ABI3BP: variants seen among roughly 807,000 people sequenced by gnomAD.
The protein encoded by ABI3BP is ABI family member 3 binding protein.
A neutral mutation model predicts 268.6 loss-of-function variants in ABI3BP; 216 were observed. That is an observed-to-expected ratio of 0.80 (90% CI 0.72 to 0.90). The LOEUF (loss-of-function observed/expected upper bound fraction) is 0.90. Among genes scored for constraint, ABI3BP ranks in the 40% least tolerant of loss-of-function variants. The pLI, the probability that ABI3BP is intolerant of heterozygous loss-of-function variation, is 0.00. For missense variants in ABI3BP, 2,090 were observed against 2,182.4 expected (o/e 0.96, Z 0.84); for synonymous variants, 730 against 730.0 (o/e 1.00, Z 0.00).
At chr3:100,987,874 C>A (rs1333686437) in intron 1 of ABI3BP, among the ~76,000 whole-genome samples, 2 of 152,116 alleles carry the variant, frequency 1.3e-5, no homozygotes, top group African/African-American at 2.4e-5. Context: ...TTATTAAGGA[C>A]TACTGATAAT....
At position 100,958,099 on chromosome 3, in the gene ABI3BP, C is replaced by T. The variant is rs540040165; in HGVS notation, c.80-31618G>A. 1.1e-3 allele frequency among the ~76,000 whole-genome samples: 169 copies of T among 152,238 alleles called. 2 individuals carry two copies. The highest frequency in any genetic ancestry group is 3.9e-3 in the African/African-American group (164 of 41,536). On this transcript the variant is annotated intron_variant, in intron 1 of 67. Transcript: ENST00000471714. ...CTATCAAATTCTGTTGACAGATTAA[C>T]TAAAACAAGTGCAGAGTTGGAACTC...
intron 57 of ABI3BP, 55 bp downstream of exon 57, chr3:100,787,673 A>G: frequency 7.3e-7 from 1 of 1,363,126 alleles, no homozygotes; most frequent in Non-Finnish European, 9.8e-7. Flanking sequence ...CATGAAAATT[A>G]AATAACACTT....
At position 100,834,777 on chromosome 3, in the gene ABI3BP, A is replaced by G. The variant is rs1272679407; in HGVS notation, c.2192-4T>C. On this transcript the variant is annotated splice_polypyrimidine_tract_variant and splice_region_variant and intron_variant, in intron 28 of 67. Transcript: ENST00000471714. ...GTTCGTTGCGATGTTTTTGGAGCTAAAGAAAGGAAACTGGTTATTGTAGTC... is the reference window on the plus strand; with the variant it reads ...GTTCGTTGCGATGTTTTTGGAGCTAGAGAAAGGAAACTGGTTATTGTAGTC... 10 of 1,535,396 alleles carry G rather than the reference A, an allele frequency of 6.5e-6. No individual in the cohort carries two copies. The East Asian group carries it at 2.2e-4, about 34-fold the overall frequency.
At chr3:100,943,545 C>T (rs565831022) in intron 1 of ABI3BP, among the ~76,000 whole-genome samples, 2 of 152,156 alleles carry the variant, frequency 1.3e-5, no homozygotes, top group African/African-American at 4.8e-5. Context: ...TTTCCTCATG[C>T]CCCTTCCCAG....
intron 4 of ABI3BP, among the ~76,000 whole-genome samples, chr3:100,888,033 A>C (rs1052446070): frequency 9.2e-5 from 14 of 152,030 alleles, no homozygotes; most frequent in Non-Finnish European, 1.8e-4. Flanking sequence ...TTTGTAGTTT[A>C]ATAAATAGAG....
intron 6 of ABI3BP, among the ~76,000 whole-genome samples, chr3:100,884,703 G>A (rs916922287): frequency 6.6e-6 from 1 of 151,984 alleles, no homozygotes; most frequent in Admixed American, 6.6e-5. Flanking sequence ...GTCTTTGCAC[G>A]TTCATTTGAC....
intron 37 of ABI3BP, among the ~76,000 whole-genome samples, 178 bp from the exon 38 acceptor site, chr3:100,822,850 A>C (rs1247316909): frequency 6.6e-6 from 1 of 152,186 alleles, no homozygotes; most frequent in Non-Finnish European, 1.5e-5. Context: ...TTAAGACAAA[A>C]ATCACTTTTT....
At chr3:100,800,497 G>A (rs770357081) in intron 51 of ABI3BP, among the ~76,000 whole-genome samples, 20 of 152,018 alleles carry the variant, frequency 1.3e-4, no homozygotes, top group Non-Finnish European at 2.9e-4. Flanking sequence ...TATGGAGCAC[G>A]GAGTCTCACT....
Position 100,874,899 on chromosome 3 carries a change from A to G in ABI3BP, c.852T>C (p.Thr284=), listed in dbSNP as rs775441615. 3.7e-6 allele frequency: 6 copies of G among 1,600,708 alleles called. No homozygotes were observed. The highest frequency in any genetic ancestry group is 1.3e-5 in the African/African-American group (1 of 74,810). The change falls in exon 9 of 68, where the codon ACT becomes ACC. Residue 284 remains threonine, a synonymous_variant. Coordinates refer to ENST00000471714, the MANE Select transcript of ABI3BP (RefSeq NM_001375547.2). ...HLIIPGLNET[T]VKLPASLMFE... is the part of the protein sequence containing the mutation. ...ACATTAGGGATGCAGGAAGTTTTAC[A>G]GTAGTTTCATTAAGACCTGGAATAA...
chr3:100,887,492 A>G (rs2042522749), intron 4 of ABI3BP, among the ~76,000 whole-genome samples: 1 of 152,064 alleles, frequency 6.6e-6, no homozygotes, highest in African/African-American at 2.4e-5. Context: ...GGTGATGAGA[A>G]AAATAGGATT....
At chr3:100,962,738 A>G (rs1349242358) in intron 1 of ABI3BP, among the ~76,000 whole-genome samples, 1 of 152,106 alleles carries the variant, frequency 6.6e-6, no homozygotes, top group Non-Finnish European at 1.5e-5. Flanking sequence ...GTCTCTCCAT[A>G]AGCTCAAACT....
In ABI3BP at chr3:100,840,183, C is replaced by G. The variant is rs748061637; in HGVS notation, c.1805-19G>C. 1.8e-5 allele frequency: 27 copies of G among 1,499,466 alleles called. No homozygotes were observed. Among genetic ancestry groups the G allele is most frequent in the Non-Finnish European group, 2.4e-5 (27 of 1,122,732 alleles). 92.9% of individuals were successfully genotyped at this position (1,499,466 alleles called of 1,614,324 possible). ...CGTGGTGCTGAAGAAAGAAAATTAGCAAGTTAATACAAGAAGGGTGGATTT... is the reference window on the plus strand; with the variant it reads ...CGTGGTGCTGAAGAAAGAAAATTAGGAAGTTAATACAAGAAGGGTGGATTT... On this transcript the variant is annotated intron_variant, in intron 22 of 67. Coordinates refer to ENST00000471714, the MANE Select transcript of ABI3BP (RefSeq NM_001375547.2).
chr3:100,753,480 A>G lies in ABI3BP; in HGVS notation c.4960+339T>C, dbSNP rs577719462. On this transcript the variant is annotated intron_variant, in intron 65 of 67. Coordinates refer to ENST00000471714, the MANE Select transcript of ABI3BP (RefSeq NM_001375547.2). The stretch of plus-strand genomic sequence containing the variant: ...TTTTATTTTTAAATTTTTTGTAGAG[A>G]GGGAGTCTCATTACGTTGCCAGGCT... Among the ~76,000 whole-genome samples the G allele has an allele frequency of 5.8e-4, 88 of 151,810 alleles. 1 individual carries two copies. The highest frequency in any genetic ancestry group is 1.1e-3 in the Non-Finnish European group (77 of 67,914).
At chr3:100,762,705 T>G (rs186660491) in intron 63 of ABI3BP, among the ~76,000 whole-genome samples, 1 of 152,366 alleles carries the variant, frequency 6.6e-6, no homozygotes, top group African/African-American at 2.4e-5. Context: ...CAAACATTTT[T>G]GCTCATTGAA....
At position 100,789,526 on chromosome 3, in the gene ABI3BP, AG is replaced by A. The variant is rs2097141446; in HGVS notation, c.4025-11del. 3.2e-6 allele frequency: 5 copies of A among 1,583,562 alleles called. No individual in the cohort carries two copies. Among genetic ancestry groups the A allele is most frequent in the Non-Finnish European group, 4.3e-6 (5 of 1,163,270 alleles). On this transcript the variant is annotated splice_polypyrimidine_tract_variant and intron_variant, in intron 55 of 67. Coordinates refer to ENST00000471714, the MANE Select transcript of ABI3BP (RefSeq NM_001375547.2). ...TAAAATCTGTGTGGCGCTGAAACAG[AG>A]GAACACTTTATATTTAATAACCAAC...
intron 10 of ABI3BP, among the ~76,000 whole-genome samples, chr3:100,865,526 C>T (rs982294526): frequency 6.6e-6 from 1 of 152,182 alleles, no homozygotes; most frequent in Non-Finnish European, 1.5e-5. Flanking sequence ...CACTCCTTCC[C>T]CACCAGCCAG....
At chr3:100,934,142 C>T (rs865948694) in intron 1 of ABI3BP, among the ~76,000 whole-genome samples, 28 of 151,868 alleles carry the variant, frequency 1.8e-4, no homozygotes, top group Admixed American at 1.5e-3. Context: ...AACCCCCCAC[C>T]CCCAAAAAGG....
At chr3:100,805,683 C>T (rs915821009) in intron 50 of ABI3BP, among the ~76,000 whole-genome samples, 3 of 151,952 alleles carry the variant, frequency 2.0e-5, no homozygotes, top group Non-Finnish European at 4.4e-5. Context: ...GGACTTGAAC[C>T]AAATGCTGAG....
At position 100,820,212 on chromosome 3, in the gene ABI3BP, A is replaced by G; in HGVS notation, c.3031+8T>C. ...GATGAGCTACTTTAACCAGAAACCCAAATTTACCCAGTTTGGTTTGAGGAA... is the reference window on the plus strand; with the variant it reads ...GATGAGCTACTTTAACCAGAAACCCGAATTTACCCAGTTTGGTTTGAGGAA... On this transcript the variant is annotated splice_region_variant and intron_variant, in intron 40 of 67. Transcript: ENST00000471714. The G allele has an allele frequency of 6.5e-7, 1 of 1,535,206 alleles. No individual in the cohort carries two copies. Among genetic ancestry groups the G allele is most frequent in the Non-Finnish European group, 8.7e-7 (1 of 1,146,194 alleles).
Sources: allele counts gnomAD v4.1 joint callset (sites outside exome capture counted in the v4.1 genomes callset), GRCh38; gene constraint gnomAD v4.1.1; transcripts MANE v1.5; gene names NCBI Gene and HGNC (gene_info 2026-07-23, HGNC 2026-07-21).